The following CD58 variants were observed in gnomAD, a reference collection of about 807,000 sequenced individuals.
CD58 encodes the protein lymphocyte function-associated antigen 3.
A neutral mutation model predicts 27.6 loss-of-function variants in CD58; 14 were observed. The ratio of observed to expected loss-of-function variants is 0.51; its 90% CI spans 0.34 to 0.79. The LOEUF is 0.79. CD58 is among the 30% of genes least tolerant of loss of function. CD58 has a pLI of 0.02. For missense variants in CD58, 268 were observed against 301.7 expected (o/e 0.89, Z 0.83); for synonymous variants, 117 against 103.8 (o/e 1.13, Z -0.77).
chr1:116,529,318 C>T (rs532260880), intron 3 of CD58, among the ~76,000 whole-genome samples: 4 of 152,266 alleles, frequency 2.6e-5, no homozygotes, highest in East Asian at 3.9e-4. Context: ...CTACTCTGAC[C>T]GCAGATAAGG....
chr1:116,545,652 C>A (rs1658144304), intron 1 of CD58, among the ~76,000 whole-genome samples: 1 of 152,064 alleles, frequency 6.6e-6, no homozygotes, highest in African/African-American at 2.4e-5. Flanking sequence ...GGATTGGGTG[C>A]AGTGGTGGGT....
chr1:116,569,378 G>C (rs1659044380), intron 1 of CD58, among the ~76,000 whole-genome samples: 1 of 152,088 alleles, frequency 6.6e-6, no homozygotes, highest in Admixed American at 6.5e-5. Flanking sequence ...GCATGGTCCT[G>C]ATCCTGTAAG....
intron 1 of CD58, among the ~76,000 whole-genome samples, chr1:116,564,635 C>T (rs966080327): frequency 6.6e-6 from 1 of 152,176 alleles, no homozygotes; most frequent in South Asian, 2.1e-4. Context: ...GCAGGGGAAT[C>T]CCCATTTATA....
At position 116,527,305 on chromosome 1, in the gene CD58, G is replaced by A. The variant is rs1657462849; in HGVS notation, c.629-5322C>T. On this transcript the variant is annotated intron_variant, in intron 3 of 5. Transcript: ENST00000369489. The surrounding 1 kb of genome is among the most constrained non-coding windows in gnomAD (Gnocchi z 4.4). ...CTCACCATTACAGATGATGTTAGCTGCAGGGTTTTTTGTAGGCATTTGTTA... is the reference window on the plus strand; with the variant it reads ...CTCACCATTACAGATGATGTTAGCTACAGGGTTTTTTGTAGGCATTTGTTA... Among the ~76,000 whole-genome samples, 1 of 152,176 alleles carries A rather than the reference G, an allele frequency of 6.6e-6. No homozygotes were observed. The highest frequency in any genetic ancestry group is 1.5e-5 in the Non-Finnish European group (1 of 68,034).
At position 116,521,986 on chromosome 1, in the gene CD58, A is replaced by T; in HGVS notation, c.629-3T>A. On this transcript the variant is annotated splice_polypyrimidine_tract_variant and splice_region_variant and intron_variant, in intron 3 of 5. Transcript: ENST00000369489. The surrounding 1 kb of genome is among the most constrained non-coding windows in gnomAD (Gnocchi z 5.6). ...TGCATATCTGTGTCTTGAATGACCTATAAAAAAGAAAAGAAAAGAAATTCA... is the reference window on the plus strand; with the variant it reads ...TGCATATCTGTGTCTTGAATGACCTTTAAAAAAGAAAAGAAAAGAAATTCA... The T allele has an allele frequency of 6.6e-7, 1 of 1,514,328 alleles. No individual in the cohort carries two copies. The highest frequency in any genetic ancestry group is 1.4e-5 in the African/African-American group (1 of 72,426). 93.8% of individuals were successfully genotyped at this position (1,514,328 alleles called of 1,614,324 possible).
chr1:116,531,267 C>T lies in CD58; in HGVS notation c.628+4698G>A, dbSNP rs1048223013. On this transcript the variant is annotated intron_variant, in intron 3 of 5. Coordinates refer to ENST00000369489, the MANE Select transcript of CD58 (RefSeq NM_001779.3). This position sits in a 1 kb window ranked among gnomAD's most constrained non-coding sequence, Gnocchi z 4.5. The stretch of plus-strand genomic sequence containing the variant: ...GCAAGGGCAAAACCTTTAAAAATCC[C>T]CTAAAATATTCCATGTAATTCTATA... 2.6e-5 allele frequency among the ~76,000 whole-genome samples: 4 copies of T among 152,220 alleles called. No homozygotes were observed. The highest frequency in any genetic ancestry group is 9.6e-5 in the African/African-American group (4 of 41,538).
chr1:116,569,466 C>T (rs1276154534), intron 1 of CD58, among the ~76,000 whole-genome samples: 1 of 152,180 alleles, frequency 6.6e-6, no homozygotes, highest in Non-Finnish European at 1.5e-5. Context: ...CACATTATCA[C>T]ATGTCCACAC....
intron 1 of CD58, among the ~76,000 whole-genome samples, chr1:116,566,084 G>A (rs1658922863): frequency 6.6e-6 from 1 of 152,140 alleles, no homozygotes; most frequent in Non-Finnish European, 1.5e-5. Context: ...TCTTATTATG[G>A]AGTTATATCT....
intron 1 of CD58, among the ~76,000 whole-genome samples, chr1:116,560,600 G>T (rs975841911): frequency 3.9e-5 from 6 of 152,296 alleles, no homozygotes; most frequent in Admixed American, 3.9e-4. Context: ...AACTGGCATA[G>T]GAAGAAAATG....
At chr1:116,530,369 C>A (rs563284468) in intron 3 of CD58, among the ~76,000 whole-genome samples, 1 of 152,232 alleles carries the variant, frequency 6.6e-6, no homozygotes, top group South Asian at 2.1e-4. Flanking sequence ...ACACACCTGA[C>A]TAATTTTTTG....
intron 1 of CD58, among the ~76,000 whole-genome samples, chr1:116,560,474 T>G (rs181763685): frequency 1.9e-3 from 294 of 152,338 alleles, no homozygotes; most frequent in African/African-American, 6.8e-3. Flanking sequence ...AGTTCATCGT[T>G]GGGAAACTCT....
chr1:116,520,354 G>A (rs1657227860), intron 4 of CD58, among the ~76,000 whole-genome samples: 1 of 150,964 alleles, frequency 6.6e-6, no homozygotes, highest in Admixed American at 6.6e-5. Flanking sequence ...CTCAAGTGAT[G>A]CACACAACTC....
intron 2 of CD58, among the ~76,000 whole-genome samples, chr1:116,540,883 C>T (rs978718695): frequency 5.9e-5 from 9 of 152,220 alleles, no homozygotes; most frequent in African/African-American, 1.7e-4. Context: ...AATCATGGCT[C>T]ACTGCAGCCT....
chr1:116,533,663 T>C (rs1657692071), intron 3 of CD58: 1 of 687,594 alleles, frequency 1.5e-6, no homozygotes, highest in South Asian at 1.4e-5. Flanking sequence ...TTTTCTGTTA[T>C]GACTACTTTA....
chr1:116,559,466 T>C lies in CD58; in HGVS notation c.70+11437A>G, dbSNP rs984390091. ...TTGGCCAGAACATCAGATGCCTTGG[T>C]TGGGGCCATTCCTCTTTTTTCCTGA... On this transcript the variant is annotated intron_variant, in intron 1 of 5. Coordinates refer to ENST00000369489, the MANE Select transcript of CD58 (RefSeq NM_001779.3). The surrounding 1 kb of genome is among the most constrained non-coding windows in gnomAD (Gnocchi z 4.4). 3.3e-5 allele frequency among the ~76,000 whole-genome samples: 5 copies of C among 152,190 alleles called. No individual in the cohort carries two copies. The highest frequency in any genetic ancestry group is 7.2e-5 in the African/African-American group (3 of 41,446).
In CD58 at chr1:116,534,084, A is replaced by G; in HGVS notation, c.628+1881T>C. 1.2e-6 allele frequency: 1 copy of G among 813,744 alleles called. No individual in the cohort carries two copies. The highest frequency in any genetic ancestry group is 1.3e-5 in the South Asian group (1 of 75,228). The allele number at this position is 813,744 out of a possible 1,614,324, so 50.4% of individuals were successfully genotyped here. ...AAGGAACCCCATCTGAAAAACTGTTATCTGCCATCTGAATGTTTTTATCCC... is the reference window on the plus strand; with the variant it reads ...AAGGAACCCCATCTGAAAAACTGTTGTCTGCCATCTGAATGTTTTTATCCC... On this transcript the variant is annotated intron_variant, in intron 3 of 5. Transcript: ENST00000369489. The surrounding 1 kb of genome is among the most constrained non-coding windows in gnomAD (Gnocchi z 5.3).
In CD58 at chr1:116,528,491, C is replaced by A. The variant is rs1400427222; in HGVS notation, c.629-6508G>T. On this transcript the variant is annotated intron_variant, in intron 3 of 5. Transcript: ENST00000369489. The surrounding 1 kb of genome is among the most constrained non-coding windows in gnomAD (Gnocchi z 4.4). Reference sequence around the variant, plus strand: ...TCAGAACAATGTTTGTTCTACATAACTTCAGGTCGGAACTGAACAATGTTT... The same window carrying A: ...TCAGAACAATGTTTGTTCTACATAAATTCAGGTCGGAACTGAACAATGTTT... 6.6e-6 allele frequency among the ~76,000 whole-genome samples: 1 copy of A among 152,190 alleles called. No homozygotes were observed. Among genetic ancestry groups the A allele is most frequent in the Non-Finnish European group, 1.5e-5 (1 of 68,026 alleles).
At chr1:116,533,883 C>G (rs903200125) in intron 3 of CD58, 2 of 1,122,688 alleles carry the variant, frequency 1.8e-6, no homozygotes, top group Non-Finnish European at 2.7e-6. Flanking sequence ...GAATTTGTTT[C>G]AATGCATTAA....
rs1571067033 is a variant in CD58, at chr1:116,533,529, G to T, written c.628+2436C>A. ...AAAACTTCACTTTAATATCCTGCAG[G>T]TATTTCAAGATTGGTTCATCATATT... On this transcript the variant is annotated intron_variant, in intron 3 of 5. Transcript: ENST00000369489. 4.1e-6 allele frequency: 3 copies of T among 726,770 alleles called. No individual in the cohort carries two copies. In the African/African-American group the frequency reaches 5.2e-5, roughly 13 times the overall value. 45.0% of individuals were successfully genotyped at this position (726,770 alleles called of 1,614,324 possible).
Sources: gnomAD v4.1 joint callset for allele counts (sites outside exome capture counted in the v4.1 genomes callset) on GRCh38, gnomAD v4.1.1 for gene constraint, Gnocchi (gnomAD v3.1) non-coding constraint, MANE v1.5 for transcripts, NCBI Gene and HGNC (gene_info 2026-07-23, HGNC 2026-07-21) for gene names.